NOL10: variants seen among roughly 807,000 people sequenced by gnomAD.
NOL10 encodes nucleolar protein 10, also known as H_NH0074G24.1.
Under a neutral mutation model 103.5 loss-of-function variants are expected in NOL10, and 58 were observed. That is an observed-to-expected ratio of 0.56 (90% confidence interval 0.45 to 0.70). The LOEUF (loss-of-function observed/expected upper bound fraction) is 0.70. Among genes scored for constraint, NOL10 ranks in the 30% least tolerant of loss-of-function variants. The pLI is 0.00. For synonymous variants in NOL10, 287 were observed against 282.5 expected, an observed-to-expected ratio of 1.02 and a Z score of -0.16; for missense variants, 763 against 807.3, an observed-to-expected ratio of 0.95 and a Z score of 0.67.
chr2:10,605,843 T>C (rs1349642379), intron 14 of NOL10, among the ~76,000 whole-genome samples: 2 of 152,192 alleles, frequency 1.3e-5, no homozygotes, highest in East Asian at 1.9e-4. Flanking sequence ...TGGTAGTAAC[T>C]GACAGAAAGT....
chr2:10,603,667 T>C (rs1676103800), intron 14 of NOL10, among the ~76,000 whole-genome samples: 1 of 152,180 alleles, frequency 6.6e-6, no homozygotes, highest in African/African-American at 2.4e-5. Flanking sequence ...ATATTAATAC[T>C]CATATCACAT....
chr2:10,592,521 A>G (rs979538260), intron 17 of NOL10, among the ~76,000 whole-genome samples: 5 of 152,170 alleles, frequency 3.3e-5, no homozygotes, highest in African/African-American at 7.2e-5. Context: ...TAAATTTTGG[A>G]GTTATCTGTA....
chr2:10,673,449 T>C (rs1681082586), intron 5 of NOL10, 71 bp downstream of exon 5: 1 of 936,914 alleles, frequency 1.1e-6, no homozygotes, highest in Non-Finnish European at 1.5e-6. Flanking sequence ...TAAAACTGCT[T>C]ATCATTAAAA....
chr2:10,654,524 C>T lies in NOL10; in HGVS notation c.930G>A (p.Glu310=), dbSNP rs901324236. The T allele has an allele frequency of 6.3e-7, 1 of 1,599,080 alleles. No homozygotes were observed. Among genetic ancestry groups the T allele is most frequent in the Non-Finnish European group, 8.5e-7 (1 of 1,175,952 alleles). Residue 310 remains glutamate (E), a synonymous_variant, in exon 12 of 21, where the codon GAG becomes GAA. Transcript: ENST00000381685. ...KNSGKIFTSL[E]PEHDLNDVCL... is the part of the protein sequence containing the mutation. Reference sequence around the variant, plus strand: ...AAACATCATTAAGGTCATGCTCTGGCTCCAAGGAAGTAAATATTTTTCCCT... The same window carrying T: ...AAACATCATTAAGGTCATGCTCTGGTTCCAAGGAAGTAAATATTTTTCCCT...
intron 13 of NOL10, among the ~76,000 whole-genome samples, chr2:10,609,678 A>G (rs1397183204): frequency 6.6e-6 from 1 of 152,178 alleles, no homozygotes; most frequent in Non-Finnish European, 1.5e-5. Context: ...TGAAGCCGAG[A>G]GAGTTGAGGC....
chr2:10,621,093 C>T (rs977650122), intron 13 of NOL10, among the ~76,000 whole-genome samples: 3 of 152,006 alleles, frequency 2.0e-5, no homozygotes, highest in East Asian at 1.9e-4. Flanking sequence ...TGTGCCTGGC[C>T]GCTGCTAATC....
intron 12 of NOL10, among the ~76,000 whole-genome samples, chr2:10,653,927 T>C (rs1679651951): frequency 6.6e-6 from 1 of 152,234 alleles, no homozygotes; most frequent in African/African-American, 2.4e-5. Context: ...TGGGTACCTC[T>C]GCCCTCAGAG....
chr2:10,681,739 T>A (rs1182654571), intron 3 of NOL10, among the ~76,000 whole-genome samples: 3 of 152,186 alleles, frequency 2.0e-5, no homozygotes, highest in African/African-American at 7.2e-5. Flanking sequence ...GATGGACTGA[T>A]ACATGAACAA....
intron 12 of NOL10, among the ~76,000 whole-genome samples, chr2:10,645,808 C>A (rs1679024867): frequency 6.6e-6 from 1 of 152,024 alleles, no homozygotes; most frequent in Non-Finnish European, 1.5e-5. Context: ...GGATTACAGG[C>A]ATGAGCCACC....
intron 3 of NOL10, 57 bp downstream of exon 3, chr2:10,681,914 C>A: frequency 1.5e-6 from 1 of 679,992 alleles, no homozygotes; most frequent in Non-Finnish European, 2.3e-6. Flanking sequence ...AGACCTTTCC[C>A]ATCGCAGCAT....
intron 17 of NOL10, among the ~76,000 whole-genome samples, chr2:10,591,347 C>T (rs1236675644): frequency 6.6e-6 from 1 of 152,100 alleles, no homozygotes; most frequent in African/African-American, 2.4e-5. Context: ...AAAAAGGAAT[C>T]CCAACAAAAG....
At chr2:10,684,942 C>T (rs1682049504) in intron 1 of NOL10, among the ~76,000 whole-genome samples, 1 of 152,188 alleles carries the variant, frequency 6.6e-6, no homozygotes, top group Admixed American at 6.6e-5. Flanking sequence ...TCAAACAATC[C>T]TCTCACCTTT....
chr2:10,634,595 TGTTATATAAAGCCTA>T (rs1427873994), intron 13 of NOL10: 2 of 456,698 alleles, frequency 4.4e-6, no homozygotes, highest in African/African-American at 2.0e-5. Context: ...AACACACAGC[TGTTATATAAAGCCTA>T]GTTATATAAA....
At chr2:10,677,319 A>T (rs1007002353) in intron 3 of NOL10, among the ~76,000 whole-genome samples, 2 of 152,284 alleles carry the variant, frequency 1.3e-5, no homozygotes, top group Middle Eastern at 3.4e-3. Flanking sequence ...GCAATTTCGG[A>T]GACTTTCATA....
chr2:10,665,106 A>G (rs1484601674), intron 8 of NOL10, among the ~76,000 whole-genome samples: 2 of 152,236 alleles, frequency 1.3e-5, no homozygotes, highest in African/African-American at 4.8e-5. Context: ...TAATCTTTTA[A>G]TATTATTACA....
chr2:10,648,768 GA>G (rs1006888132), intron 12 of NOL10, among the ~76,000 whole-genome samples: 3 of 150,494 alleles, frequency 2.0e-5, no homozygotes, highest in Admixed American at 2.0e-4. Flanking sequence ...AACATCACGA[GA>G]AAAAAAAATC....
intron 13 of NOL10, among the ~76,000 whole-genome samples, chr2:10,609,715 C>T (rs1456142307): frequency 2.0e-5 from 3 of 152,174 alleles, no homozygotes; most frequent in Non-Finnish European, 4.4e-5. Flanking sequence ...GTATCTGCTT[C>T]CAGTGAGTCA....
At chr2:10,591,743 C>G (rs1349529400) in intron 17 of NOL10, among the ~76,000 whole-genome samples, 1 of 152,054 alleles carries the variant, frequency 6.6e-6, no homozygotes, top group East Asian at 1.9e-4. Context: ...GTGGTTCATG[C>G]CTGCAATCTC....
rs1674150319 is a variant in NOL10 at position 10,570,994 on chromosome 2, T to C, written c.*1077A>G. 6.6e-6 allele frequency: 1 copy of C among 152,198 alleles called. No homozygotes were observed. The highest frequency in any genetic ancestry group is 1.9e-4 in the East Asian group (1 of 5,200). The allele number at this position is 152,198 out of a possible 1,614,324, so 9.4% of individuals were successfully genotyped here. A position where few individuals can be genotyped will look rare whatever the true frequency, so the allele number is the denominator to read the frequency against. ...GTTTTTTTGTGTGTTTTGGAATATC[T>C]GTATTATATTTACTAGTCAAGTATC... On this transcript the variant is annotated 3_prime_UTR_variant, in exon 21 of 21. Coordinates refer to ENST00000381685, the MANE Select transcript of NOL10 (RefSeq NM_024894.4).
Sources: allele counts gnomAD v4.1 joint callset (sites outside exome capture counted in the v4.1 genomes callset), GRCh38; gene constraint gnomAD v4.1.1; transcripts MANE v1.5; gene names NCBI Gene and HGNC (gene_info 2026-07-23, HGNC 2026-07-21).